ZNF277: variants seen among roughly 807,000 people sequenced by gnomAD.
ZNF277 encodes the protein zinc finger protein 277.
Under a neutral mutation model 60.7 loss-of-function variants are expected in ZNF277, and 55 were observed. The ratio of observed to expected loss-of-function variants is 0.91; its 90% CI spans 0.73 to 1.13. The LOEUF is 1.13. Ranked by LOEUF, ZNF277 falls within the 50% of genes most tolerant of loss-of-function variation. The probability of loss-of-function intolerance (pLI) is 0.00; values close to 1 mark genes in which losing one functional copy is unlikely to be tolerated. For synonymous variants in ZNF277, 178 were observed against 179.3 expected (o/e 0.99, Z 0.06); for missense variants, 510 against 523.0 (o/e 0.98, Z 0.24).
At chr7:112,307,442 G>T (rs1317319596) in intron 4 of ZNF277, among the ~76,000 whole-genome samples, 1 of 151,836 alleles carries the variant, frequency 6.6e-6, no homozygotes, top group Non-Finnish European at 1.5e-5. Flanking sequence ...TTTTGAGACA[G>T]TCTCACTCTG....
At chr7:112,321,074 A>G (rs1426574771) in intron 5 of ZNF277, among the ~76,000 whole-genome samples, 25 of 150,900 alleles carry the variant, frequency 1.7e-4, no homozygotes, top group Non-Finnish European at 8.9e-5. Context: ...GGCGCCCGCA[A>G]CCACGCCCGG....
intron 1 of ZNF277, among the ~76,000 whole-genome samples, chr7:112,238,001 A>G (rs1790846756): frequency 6.6e-6 from 1 of 152,210 alleles, no homozygotes; most frequent in South Asian, 2.1e-4. Flanking sequence ...GAGGCTGAGG[A>G]AGATGGATGA....
intron 1 of ZNF277, among the ~76,000 whole-genome samples, chr7:112,216,401 C>T (rs1488635406): frequency 1.3e-5 from 2 of 152,192 alleles, no homozygotes; most frequent in Non-Finnish European, 2.9e-5. Flanking sequence ...CCTCTGCTTC[C>T]TGGGCTCAAG....
intron 5 of ZNF277, among the ~76,000 whole-genome samples, chr7:112,321,592 G>T (rs1161400405): frequency 6.6e-6 from 1 of 151,992 alleles, no homozygotes; most frequent in African/African-American, 2.4e-5. Context: ...TTGAGTTATT[G>T]TCTAGTGTCC....
chr7:112,328,634 G>A (rs1793155240), intron 6 of ZNF277, among the ~76,000 whole-genome samples: 1 of 152,122 alleles, frequency 6.6e-6, no homozygotes, highest in African/African-American at 2.4e-5. Context: ...ACTTTGGGAG[G>A]CCGAGGTGGG....
At chr7:112,303,585 A>T (rs1035018842) in intron 4 of ZNF277, among the ~76,000 whole-genome samples, 3 of 152,036 alleles carry the variant, frequency 2.0e-5, no homozygotes, top group African/African-American at 7.2e-5. Context: ...GCAATCTCCC[A>T]TGCCCACCTA....
chr7:112,243,250 T>A (rs1171883242), intron 1 of ZNF277, among the ~76,000 whole-genome samples: 1 of 151,560 alleles, frequency 6.6e-6, no homozygotes, highest in Non-Finnish European at 1.5e-5. Context: ...TAGGAAAAAA[T>A]CTTTTGGACA....
intron 2 of ZNF277, among the ~76,000 whole-genome samples, chr7:112,293,487 G>T (rs1454252663): frequency 6.6e-6 from 1 of 151,796 alleles, no homozygotes; most frequent in East Asian, 1.9e-4. Flanking sequence ...GCTGAGGTGG[G>T]GAGGATGTCT....
chr7:112,292,343 C>G (rs752253939), intron 2 of ZNF277, among the ~76,000 whole-genome samples: 1 of 152,178 alleles, frequency 6.6e-6, no homozygotes, highest in Non-Finnish European at 1.5e-5. Flanking sequence ...CAGCCCCAAA[C>G]AGTTGGTGTC....
At chr7:112,251,822 A>T (rs555821515) in intron 1 of ZNF277, among the ~76,000 whole-genome samples, 46 of 152,378 alleles carry the variant, frequency 3.0e-4, no homozygotes, top group African/African-American at 1.1e-3. Context: ...ATTTCATTTT[A>T]TAGATCTATG....
intron 1 of ZNF277, among the ~76,000 whole-genome samples, chr7:112,247,264 T>C (rs1011973729): frequency 1.3e-5 from 2 of 152,174 alleles, no homozygotes; most frequent in African/African-American, 4.8e-5. Flanking sequence ...TTGGCCCAAA[T>C]GAGCTCTCTA....
chr7:112,304,514 A>G (rs1313894762), intron 4 of ZNF277, among the ~76,000 whole-genome samples: 1 of 152,188 alleles, frequency 6.6e-6, no homozygotes, highest in East Asian at 1.9e-4. Flanking sequence ...GCTATACATC[A>G]TTATCTGTAC....
At chr7:112,218,515 A>G (rs1416420260) in intron 1 of ZNF277, among the ~76,000 whole-genome samples, 1 of 152,108 alleles carries the variant, frequency 6.6e-6, no homozygotes, top group African/African-American at 2.4e-5. Flanking sequence ...GTTTTCAAGT[A>G]TACATTACAG....
intron 4 of ZNF277, among the ~76,000 whole-genome samples, chr7:112,317,738 C>G (rs1180016948): frequency 6.6e-6 from 1 of 151,934 alleles, no homozygotes; most frequent in African/African-American, 2.4e-5. Context: ...CCCACAATGA[C>G]TAAAAACTGA....
At chr7:112,251,263 T>C (rs574416984) in intron 1 of ZNF277, among the ~76,000 whole-genome samples, 171 of 152,296 alleles carry the variant, frequency 1.1e-3, no homozygotes, top group African/African-American at 3.9e-3. Flanking sequence ...ATGCCTAAGA[T>C]CCAAGGAGCC....
chr7:112,277,396 A>G (rs1181848268), intron 1 of ZNF277, among the ~76,000 whole-genome samples: 1 of 152,148 alleles, frequency 6.6e-6, no homozygotes, highest in East Asian at 1.9e-4. Context: ...ATCTATTAAT[A>G]TTAAATCAAG....
chr7:112,319,371 G>T (rs990990146), intron 5 of ZNF277, among the ~76,000 whole-genome samples: 1 of 152,034 alleles, frequency 6.6e-6, no homozygotes, highest in Non-Finnish European at 1.5e-5. Context: ...CTAGGGACAA[G>T]AGACAAAGAG....
intron 1 of ZNF277, among the ~76,000 whole-genome samples, chr7:112,274,882 G>GAT (rs2117043610): frequency 6.6e-6 from 1 of 152,266 alleles, no homozygotes; most frequent in Non-Finnish European, 1.5e-5. Context: ...AAATCTATCT[G>GAT]TGTCAGAGTT....
chr7:112,281,203 C>T (rs1044668490), intron 1 of ZNF277, among the ~76,000 whole-genome samples: 2 of 152,330 alleles, frequency 1.3e-5, no homozygotes, highest in Non-Finnish European at 2.9e-5. Context: ...CACTGATTTC[C>T]AGGCAGTGGT....
Sources: gnomAD v4.1 joint callset for allele counts (sites outside exome capture counted in the v4.1 genomes callset) on GRCh38, gnomAD v4.1.1 for gene constraint, MANE v1.5 for transcripts, NCBI Gene and HGNC (gene_info 2026-07-23, HGNC 2026-07-21) for gene names.